The following FMN2 variants were observed in gnomAD, a reference collection of about 807,000 sequenced individuals.
The protein encoded by FMN2 is formin-2.
FMN2 carries 51 observed loss-of-function variants against 142.3 expected under a neutral mutation model. That is an observed-to-expected ratio of 0.36 (90% CI 0.29 to 0.45). The LOEUF is 0.45. FMN2 is among the 20% of genes least tolerant of loss of function. The pLI is 1.00. For missense variants in FMN2, 1,936 were observed against 2,122.8 expected (o/e 0.91, Z 1.73); for synonymous variants, 882 against 869.8 (o/e 1.01, Z -0.25).
At chr1:240,456,711 C>T (rs1447695145) in intron 16 of FMN2, among the ~76,000 whole-genome samples, 1 of 152,204 alleles carries the variant, frequency 6.6e-6, no homozygotes. Context: ...ACACCTCGGC[C>T]TCCCAAAGTG....
intron 1 of FMN2, among the ~76,000 whole-genome samples, chr1:240,098,698 C>T (rs1393412825): frequency 6.6e-6 from 1 of 152,168 alleles, no homozygotes; most frequent in African/African-American, 2.4e-5. Context: ...CACTGATCTT[C>T]AATCATTTTA....
chr1:240,207,223 C>T lies in FMN2; in HGVS notation c.2411C>T (p.Thr804Ile). 4 of 1,614,036 alleles carry T rather than the reference C, an allele frequency of 2.5e-6. No homozygotes were observed. Among genetic ancestry groups the T allele is most frequent in the South Asian group, 1.1e-5 (1 of 91,086 alleles). ...ISVQLDSHQP[T>I]QSISQPPPPP... ...GTCCAGCTCGACAGCCATCAGCCCA[C>T]ACAGAGCATCTCACAGCCTCCACCA... The change falls in exon 5 of 18, where the codon ACA (threonine) becomes ATA (isoleucine). Residue 804 changes from threonine to isoleucine, a missense_variant. Physicochemically the swap from Thr to Ile is moderately conservative, Grantham distance 89. Transcript: ENST00000319653.
intron 1 of FMN2, among the ~76,000 whole-genome samples, chr1:240,098,350 C>T (rs573427156): frequency 6.6e-5 from 10 of 152,056 alleles, no homozygotes; most frequent in African/African-American, 2.2e-4. Context: ...GTTCTATCTG[C>T]CTTGGCCTCC....
At chr1:240,287,276 C>T (rs1225258432) in intron 7 of FMN2, among the ~76,000 whole-genome samples, 2 of 152,166 alleles carry the variant, frequency 1.3e-5, no homozygotes, top group African/African-American at 4.8e-5. Context: ...GAGGATGCTT[C>T]TGATCTCTGC....
intron 4 of FMN2, among the ~76,000 whole-genome samples, chr1:240,197,213 C>T (rs558380517): frequency 6.6e-6 from 1 of 152,128 alleles, no homozygotes; most frequent in African/African-American, 2.4e-5. Context: ...CATTAAAACC[C>T]CCAAAATTGA....
chr1:240,457,173 A>G (rs1263352521), intron 16 of FMN2, among the ~76,000 whole-genome samples: 1 of 152,052 alleles, frequency 6.6e-6, no homozygotes, highest in Non-Finnish European at 1.5e-5. Context: ...TCTAGGAAAA[A>G]TCTTCTAAGC....
intron 11 of FMN2, 71 bp from the exon 12 acceptor site, chr1:240,333,816 C>CT (rs1425387728): frequency 5.0e-6 from 6 of 1,207,934 alleles, no homozygotes; most frequent in Admixed American, 4.9e-5. Flanking sequence ...TCACTAGAAT[C>CT]TTTTTTGGTA....
At chr1:240,221,103 T>G (rs1424672248) in intron 6 of FMN2, among the ~76,000 whole-genome samples, 1 of 152,220 alleles carries the variant, frequency 6.6e-6, no homozygotes, top group Non-Finnish European at 1.5e-5. Context: ...ACATTTTCTT[T>G]ATCCAGCCTA....
At chr1:240,120,468 A>G (rs1662190324) in intron 1 of FMN2, among the ~76,000 whole-genome samples, 1 of 152,218 alleles carries the variant, frequency 6.6e-6, no homozygotes, top group Non-Finnish European at 1.5e-5. Flanking sequence ...TCTGACTATG[A>G]TATGAATGAA....
At chr1:240,274,810 A>T (rs1230594564) in intron 7 of FMN2, among the ~76,000 whole-genome samples, 1 of 152,118 alleles carries the variant, frequency 6.6e-6, no homozygotes, top group Non-Finnish European at 1.5e-5. Flanking sequence ...AGACTGTGAG[A>T]AAAAGATAGG....
chr1:240,397,302 T>A (rs1268104753), intron 15 of FMN2, among the ~76,000 whole-genome samples: 1 of 152,158 alleles, frequency 6.6e-6, no homozygotes, highest in Non-Finnish European at 1.5e-5. Flanking sequence ...AATTGGATTG[T>A]TTTTGCTTGT....
In FMN2 at chr1:240,377,034, C is replaced by T. The variant is rs909404739; in HGVS notation, c.4859-15477C>T. Among the ~76,000 whole-genome samples, 10 of 152,054 alleles carry T rather than the reference C, an allele frequency of 6.6e-5. No individual in the cohort carries two copies. The South Asian group carries it at 8.3e-4, about 13-fold the overall frequency. On this transcript the variant is annotated intron_variant, in intron 14 of 17. Transcript: ENST00000319653. ...GTTATAACCAAAACAATATATTGCT[C>T]CTACTTGCATTTAAGTCATTATCTT...
chr1:240,209,626 C>T (rs922257274), intron 5 of FMN2, among the ~76,000 whole-genome samples: 1 of 148,894 alleles, frequency 6.7e-6, no homozygotes, highest in African/African-American at 2.5e-5. Context: ...CAGCCCTGTC[C>T]GGGTGCGGTG....
chr1:240,255,934 G>A (rs1169719612), intron 6 of FMN2, among the ~76,000 whole-genome samples: 7 of 152,098 alleles, frequency 4.6e-5, no homozygotes, highest in Non-Finnish European at 8.8e-5. Context: ...TCTAGGATAC[G>A]CAAATATTTA....
chr1:240,160,993 A>G (rs560553658), intron 2 of FMN2, among the ~76,000 whole-genome samples: 2 of 152,340 alleles, frequency 1.3e-5, no homozygotes, highest in South Asian at 4.1e-4. Context: ...AAAAACATCA[A>G]ATAATCTAAG....
intron 14 of FMN2, among the ~76,000 whole-genome samples, chr1:240,382,286 G>A (rs994047826): frequency 3.3e-5 from 5 of 152,126 alleles, no homozygotes; most frequent in African/African-American, 1.2e-4. Flanking sequence ...AAAGATCTCT[G>A]CAAGGAGAAC....
chr1:240,468,429 T>G (rs775781225), intron 16 of FMN2, among the ~76,000 whole-genome samples: 2 of 152,160 alleles, frequency 1.3e-5, no homozygotes, highest in Non-Finnish European at 2.9e-5. Flanking sequence ...TAAACTCAAG[T>G]GCAGACACAG....
chr1:240,267,638 A>G (rs1572136080), intron 7 of FMN2, among the ~76,000 whole-genome samples: 1 of 59,824 alleles, frequency 1.7e-5, no homozygotes, highest in Non-Finnish European at 3.7e-5. Flanking sequence ...AACTTAAAAA[A>G]AAAAAAAAAA....
intron 15 of FMN2, among the ~76,000 whole-genome samples, chr1:240,434,379 C>A (rs1031421243): frequency 6.6e-6 from 1 of 152,128 alleles, no homozygotes; most frequent in Non-Finnish European, 1.5e-5. Context: ...CCCTCCCACC[C>A]ACCACCCAAG....
Sources: allele counts gnomAD v4.1 joint callset (sites outside exome capture counted in the v4.1 genomes callset), GRCh38; gene constraint gnomAD v4.1.1; transcripts MANE v1.5; gene names NCBI Gene and HGNC (gene_info 2026-07-23, HGNC 2026-07-21).